LRRC4C: variants seen among roughly 807,000 people sequenced by gnomAD.
LRRC4C encodes leucine-rich repeat-containing protein 4C.
In LRRC4C, 5 loss-of-function variants were observed where a neutral mutation model predicts 33.6. The ratio of observed to expected loss-of-function variants is 0.15; its 90% CI spans 0.08 to 0.31. The LOEUF (loss-of-function observed/expected upper bound fraction) is 0.31. LRRC4C is among the 10% of genes least tolerant of loss of function. The pLI is 1.00. For missense variants in LRRC4C, 560 were observed against 796.7 expected (o/e 0.70, Z 3.58); for synonymous variants, 329 against 302.0 (o/e 1.09, Z -0.93).
chr11:40,956,926 T>C (rs1247593477), intron 1 of LRRC4C, among the ~76,000 whole-genome samples: 1 of 151,802 alleles, frequency 6.6e-6, no homozygotes, highest in Non-Finnish European at 1.5e-5. Context: ...ACTTGCCAGA[T>C]AGCTCAGTTT....
chr11:40,913,348 T>A (rs549501704), intron 2 of LRRC4C, among the ~76,000 whole-genome samples: 1 of 152,192 alleles, frequency 6.6e-6, no homozygotes, highest in African/African-American at 2.4e-5. Context: ...ACAAACTGTC[T>A]CTTAGACCAC....
At chr11:40,661,367 T>G (rs1254630305) in intron 2 of LRRC4C, among the ~76,000 whole-genome samples, 1 of 152,220 alleles carries the variant, frequency 6.6e-6, no homozygotes, top group Admixed American at 6.5e-5. Context: ...AAACAAGATG[T>G]GCAAAGCATA....
intron 2 of LRRC4C, among the ~76,000 whole-genome samples, chr11:40,856,883 T>C (rs1953810763): frequency 6.6e-6 from 1 of 152,176 alleles, no homozygotes; most frequent in South Asian, 2.1e-4. Flanking sequence ...AGACCATAGA[T>C]ACAGGGAATG....
At chr11:40,261,374 G>A (rs999613947) in intron 4 of LRRC4C, among the ~76,000 whole-genome samples, 1 of 152,036 alleles carries the variant, frequency 6.6e-6, no homozygotes, top group African/African-American at 2.4e-5. Context: ...TAGATATTTA[G>A]GTAAGGGTTA....
chr11:40,525,425 G>A (rs1956004325), intron 3 of LRRC4C, among the ~76,000 whole-genome samples: 1 of 152,126 alleles, frequency 6.6e-6, no homozygotes, highest in Non-Finnish European at 1.5e-5. Context: ...CAGCCTGGGT[G>A]ACAGAGAGAG....
At chr11:40,429,977 C>A (rs866804409) in intron 3 of LRRC4C, among the ~76,000 whole-genome samples, 1 of 152,050 alleles carries the variant, frequency 6.6e-6, no homozygotes, top group Non-Finnish European at 1.5e-5. Context: ...AGTTATTATT[C>A]CAAAGTATTT....
intron 2 of LRRC4C, among the ~76,000 whole-genome samples, chr11:40,724,889 TCTGAAATTGGAA>T (rs761281545): frequency 1.3e-5 from 2 of 152,048 alleles, no homozygotes; most frequent in Non-Finnish European, 2.9e-5. Flanking sequence ...ATAAGCACAA[TCTGAAATTGGAA>T]CAGTATAGAG....
chr11:40,925,988 A>G (rs1957393332), intron 2 of LRRC4C, among the ~76,000 whole-genome samples: 1 of 151,984 alleles, frequency 6.6e-6, no homozygotes, highest in African/African-American at 2.4e-5. Context: ...AAATGTAGAA[A>G]CATCCTAAGC....
intron 3 of LRRC4C, among the ~76,000 whole-genome samples, chr11:40,474,455 C>T (rs753876473): frequency 6.6e-5 from 10 of 152,180 alleles, no homozygotes; most frequent in Admixed American, 2.0e-4. Context: ...AAGACTTAAA[C>T]GTAAGACCTA....
chr11:40,806,374 T>C (rs774918091), intron 2 of LRRC4C, among the ~76,000 whole-genome samples: 1 of 152,234 alleles, frequency 6.6e-6, no homozygotes, highest in African/African-American at 2.4e-5. Context: ...CCAGCTTTAT[T>C]TGTAGCTCTA....
At chr11:40,215,053 C>T (rs1314989748) in intron 5 of LRRC4C, among the ~76,000 whole-genome samples, 2 of 152,136 alleles carry the variant, frequency 1.3e-5, no homozygotes. Context: ...AAATCTGCCA[C>T]TGGGTGCCAA....
chr11:40,417,330 T>A (rs1466109334), intron 3 of LRRC4C, among the ~76,000 whole-genome samples: 2 of 148,506 alleles, frequency 1.3e-5, no homozygotes, highest in Non-Finnish European at 3.0e-5. Context: ...ATTTTTTTTT[T>A]ATTTATTTAT....
At chr11:40,633,897 T>A (rs150030815) in intron 3 of LRRC4C, among the ~76,000 whole-genome samples, 1 of 152,214 alleles carries the variant, frequency 6.6e-6, no homozygotes, top group Non-Finnish European at 1.5e-5. Flanking sequence ...AAAAATGAAA[T>A]ACATATATGT....
At chr11:40,747,118 A>G (rs538267474) in intron 2 of LRRC4C, among the ~76,000 whole-genome samples, 5 of 151,950 alleles carry the variant, frequency 3.3e-5, no homozygotes, top group Non-Finnish European at 7.4e-5. Flanking sequence ...AGGCATGCTC[A>G]GCCCATTGTT....
intron 4 of LRRC4C, among the ~76,000 whole-genome samples, chr11:40,316,204 G>A (rs1330948401): frequency 6.6e-6 from 1 of 151,920 alleles, no homozygotes; most frequent in Non-Finnish European, 1.5e-5. Flanking sequence ...TTGAAATTAT[G>A]TAACTCATTA....
intron 1 of LRRC4C, among the ~76,000 whole-genome samples, chr11:41,163,834 A>T (rs1448668961): frequency 6.6e-6 from 1 of 151,744 alleles, no homozygotes; most frequent in Admixed American, 6.6e-5. Context: ...CTGGTCTCGA[A>T]CTCCTGACCT....
rs568361459 is a variant in LRRC4C at position 40,684,866 on chromosome 11, T to TA, written c.-406-36589dup. ...AACTAGCATTCTATATTATTTCTCATAAAAAAGATGATTTTGTTGGACAAA... is the reference window on the plus strand; with the variant it reads ...AACTAGCATTCTATATTATTTCTCATAAAAAAAGATGATTTTGTTGGACAAA... On this transcript the variant is annotated intron_variant, in intron 2 of 6. Coordinates refer to ENST00000528697, the MANE Select transcript of LRRC4C (RefSeq NM_001258419.2). Among the ~76,000 whole-genome samples the TA allele has an allele frequency of 5.8e-4, 88 of 152,038 alleles. 1 individual carries two copies. The highest frequency in any genetic ancestry group is 6.8e-3 in the Middle Eastern group (2 of 294).
intron 1 of LRRC4C, among the ~76,000 whole-genome samples, chr11:41,019,992 C>G (rs1195439599): frequency 6.6e-6 from 1 of 152,128 alleles, no homozygotes; most frequent in Non-Finnish European, 1.5e-5. Context: ...ATGATAGTTT[C>G]TATTGCTGTA....
chr11:41,173,228 T>C (rs953560552), intron 1 of LRRC4C, among the ~76,000 whole-genome samples: 3 of 152,168 alleles, frequency 2.0e-5, no homozygotes, highest in Non-Finnish European at 2.9e-5. Flanking sequence ...TCTCCTTTAG[T>C]GCATTATGAT....
Sources: gnomAD v4.1 joint callset for allele counts (sites outside exome capture counted in the v4.1 genomes callset) on GRCh38, gnomAD v4.1.1 for gene constraint, MANE v1.5 for transcripts, NCBI Gene and HGNC (gene_info 2026-07-23, HGNC 2026-07-21) for gene names.